The following CCDC171 variants were observed in gnomAD, a reference collection of about 807,000 sequenced individuals.
CCDC171 encodes the protein coiled-coil domain containing 171, also known as coiled-coil domain-containing protein 171.
Under a neutral mutation model 168.2 loss-of-function variants are expected in CCDC171, and 177 were observed. That is an observed-to-expected ratio of 1.05 (90% CI 0.93 to 1.19). CCDC171 has a LOEUF of 1.19. CCDC171 is among the 50% of genes most tolerant of loss of function. CCDC171 has a pLI of 0.00. For missense variants in CCDC171, 1,991 were observed against 1,539.0 expected (o/e 1.29, Z -4.91); for synonymous variants, 687 against 540.8 (o/e 1.27, Z -3.75).
At chr9:15,564,840 A>C (rs888229392) in intron 2 of CCDC171, among the ~76,000 whole-genome samples, 1 of 152,250 alleles carries the variant, frequency 6.6e-6, no homozygotes, top group Non-Finnish European at 1.5e-5. Context: ...GCTGAATCTA[A>C]GAGTAAAACA....
At chr9:16,091,065 G>T in the CCDC171 span, among the ~76,000 whole-genome samples, 3 of 152,192 alleles carry the variant, frequency 2.0e-5, no homozygotes, top group East Asian at 5.8e-4. Flanking sequence ...AGCCAGTGAT[G>T]GTCACCCCCC....
At chr9:15,879,463 T>A (rs1818308472) in intron 24 of CCDC171, among the ~76,000 whole-genome samples, 1 of 152,198 alleles carries the variant, frequency 6.6e-6, no homozygotes, top group Non-Finnish European at 1.5e-5. Flanking sequence ...CTCTTTTAGC[T>A]ATTTTGAAAT....
intron 20 of CCDC171, among the ~76,000 whole-genome samples, chr9:15,783,851 A>G (rs2057796119): frequency 6.6e-6 from 1 of 152,176 alleles, no homozygotes; most frequent in Admixed American, 6.5e-5. Flanking sequence ...ATTTCATTCA[A>G]CAAATATTGA....
intron 3 of CCDC171, among the ~76,000 whole-genome samples, chr9:15,987,971 TTGTGGACAATC>T (rs1744738991): frequency 6.6e-6 from 1 of 152,236 alleles, no homozygotes; most frequent in Admixed American, 6.5e-5. Context: ...TCAGCCACCC[TTGTGGACAATC>T]TGTGGTTGTT....
intron 1 of CCDC171, among the ~76,000 whole-genome samples, chr9:16,046,469 G>C (rs892591327): frequency 5.5e-4 from 83 of 152,174 alleles, no homozygotes; most frequent in African/African-American, 1.9e-3. Context: ...TCTCAAAATA[G>C]CCAAATTCAG....
At chr9:15,826,510 T>A (rs962465669) in intron 21 of CCDC171, among the ~76,000 whole-genome samples, 1 of 152,176 alleles carries the variant, frequency 6.6e-6, no homozygotes, top group Non-Finnish European at 1.5e-5. Flanking sequence ...TGAGACTATG[T>A]CATAAAGACA....
chr9:15,667,180 A>G (rs570264096), intron 9 of CCDC171, among the ~76,000 whole-genome samples: 4 of 152,332 alleles, frequency 2.6e-5, no homozygotes, highest in Non-Finnish European at 5.9e-5. Flanking sequence ...AAATAAGTCA[A>G]TAGTAGACAT....
At chr9:15,636,041 G>A (rs2046176918) in intron 7 of CCDC171, among the ~76,000 whole-genome samples, 1 of 152,154 alleles carries the variant, frequency 6.6e-6, no homozygotes, top group African/African-American at 2.4e-5. Flanking sequence ...GATGATTGAT[G>A]ATGTTGAATA....
At chr9:15,592,955 G>T (rs897904259) in intron 5 of CCDC171, among the ~76,000 whole-genome samples, 4 of 151,882 alleles carry the variant, frequency 2.6e-5, no homozygotes, top group Non-Finnish European at 5.9e-5. Context: ...CATGTGCCAT[G>T]CTGGTGTGCT....
At chr9:15,630,213 A>G (rs1033157309) in intron 7 of CCDC171, among the ~76,000 whole-genome samples, 8 of 152,224 alleles carry the variant, frequency 5.3e-5, no homozygotes, top group African/African-American at 1.9e-4. Flanking sequence ...AAGTGCTCCA[A>G]TTAAAAGACA....
At chr9:15,966,339 C>G (rs1416572514) in intron 25 of CCDC171, among the ~76,000 whole-genome samples, 1 of 152,102 alleles carries the variant, frequency 6.6e-6, no homozygotes, top group African/African-American at 2.4e-5. Context: ...ATGGAATGTC[C>G]TATTTAGGGA....
At chr9:15,933,617 T>G (rs1359702268) in intron 25 of CCDC171, among the ~76,000 whole-genome samples, 1 of 152,006 alleles carries the variant, frequency 6.6e-6, no homozygotes, top group Non-Finnish European at 1.5e-5. Context: ...TCTTTTTTAA[T>G]GTAGGTGCTA....
chr9:16,017,769 T>C (rs775700795), intron 3 of CCDC171, among the ~76,000 whole-genome samples: 3 of 152,178 alleles, frequency 2.0e-5, no homozygotes, highest in Admixed American at 6.5e-5. Flanking sequence ...TAGCAAGAAA[T>C]AGAATTCACC....
chr9:15,712,072 A>G (rs887280316), intron 11 of CCDC171, among the ~76,000 whole-genome samples: 5 of 152,200 alleles, frequency 3.3e-5, no homozygotes, highest in Non-Finnish European at 7.3e-5. Flanking sequence ...CCTGAAAGCA[A>G]GAGAAGATTG....
At chr9:15,840,203 T>C (rs2060618202) in intron 21 of CCDC171, among the ~76,000 whole-genome samples, 1 of 152,168 alleles carries the variant, frequency 6.6e-6, no homozygotes, top group Non-Finnish European at 1.5e-5. Context: ...ACAAAGTTTT[T>C]TATTTAAATA....
intron 25 of CCDC171, among the ~76,000 whole-genome samples, chr9:15,950,462 C>T (rs1260295442): frequency 6.6e-6 from 1 of 151,956 alleles, no homozygotes; most frequent in Non-Finnish European, 1.5e-5. Context: ...GAGTGGGTGC[C>T]AATATTCAAC....
Position 15,816,187 on chromosome 9 carries a change from C to A in CCDC171, c.3268-30515C>A, listed in dbSNP as rs1194926394. The stretch of plus-strand genomic sequence containing the variant: ...ATGTTCAAATTTGTCCTCAATGAGT[C>A]ATAATTTGAAATTAGAGTTTTTTTG... On this transcript the variant is annotated intron_variant, in intron 21 of 25. Transcript: ENST00000380701. 1.7e-5 allele frequency among the ~76,000 whole-genome samples: 2 copies of A among 117,492 alleles called. 1 individual carries two copies. Among genetic ancestry groups the A allele is most frequent in the Non-Finnish European group, 3.8e-5 (2 of 52,282 alleles). 77.1% of individuals were successfully genotyped at this position (117,492 alleles called of 152,430 possible).
the CCDC171 span, among the ~76,000 whole-genome samples, chr9:16,086,552 C>G: frequency 6.6e-6 from 1 of 151,852 alleles, no homozygotes; most frequent in Non-Finnish European, 1.5e-5. Context: ...GTGATCTGCC[C>G]GCCTCAGCCT....
intron 3 of CCDC171, among the ~76,000 whole-genome samples, chr9:15,990,808 A>G (rs1049308068): frequency 6.6e-6 from 1 of 152,246 alleles, no homozygotes; most frequent in Non-Finnish European, 1.5e-5. Flanking sequence ...TTAAGCCAAC[A>G]AAGATCAAAA....
Sources: gnomAD v4.1 joint callset for allele counts (sites outside exome capture counted in the v4.1 genomes callset) on GRCh38, gnomAD v4.1.1 for gene constraint, MANE v1.5 for transcripts, NCBI Gene and HGNC (gene_info 2026-07-23, HGNC 2026-07-21) for gene names.